The following CDH10 variants were observed in gnomAD, a reference collection of about 807,000 sequenced individuals.
CDH10 encodes the protein cadherin 10, also known as cadherin-10.
Under a neutral mutation model 73.1 loss-of-function variants are expected in CDH10, and 30 were observed. The observed-to-expected ratio is 0.41, with a 90% confidence interval of 0.31 to 0.56. The LOEUF (loss-of-function observed/expected upper bound fraction) is 0.56. CDH10 is among the 20% of genes least tolerant of loss of function. The probability of loss-of-function intolerance (pLI) is 0.27; values close to 1 mark genes in which losing one functional copy is unlikely to be tolerated. For synonymous variants in CDH10, 345 were observed against 348.2 expected (o/e 0.99, Z 0.10); for missense variants, 815 against 973.7 (o/e 0.84, Z 2.17).
intron 9 of CDH10, among the ~76,000 whole-genome samples, chr5:24,494,500 C>G (rs1262742504): frequency 6.6e-6 from 1 of 151,858 alleles, no homozygotes; most frequent in Non-Finnish European, 1.5e-5. Flanking sequence ...CACATACAGA[C>G]ACAAAAAGTG....
At chr5:24,495,107 A>AT (rs1170260222) in intron 9 of CDH10, among the ~76,000 whole-genome samples, 1 of 152,180 alleles carries the variant, frequency 6.6e-6, no homozygotes, top group Non-Finnish European at 1.5e-5. Flanking sequence ...CTGGTAACAG[A>AT]TATCAGAACT....
At chr5:24,551,799 T>A (rs1744556432) in intron 2 of CDH10, among the ~76,000 whole-genome samples, 1 of 152,202 alleles carries the variant, frequency 6.6e-6, no homozygotes, top group African/African-American at 2.4e-5. Flanking sequence ...TCCATTTATC[T>A]ATTGGCACCA....
intron 2 of CDH10, among the ~76,000 whole-genome samples, chr5:24,592,734 T>C (rs1746241817): frequency 6.6e-6 from 1 of 151,806 alleles, no homozygotes. Flanking sequence ...GCACCCATAG[T>C]GTGACCTAAG....
intron 2 of CDH10, among the ~76,000 whole-genome samples, chr5:24,585,097 C>T (rs1401363520): frequency 4.6e-5 from 7 of 152,082 alleles, no homozygotes; most frequent in Admixed American, 6.5e-5. Context: ...ATCTTCGCTT[C>T]GGTCTCCCAA....
At chr5:24,537,826 G>A (rs901963826) in intron 2 of CDH10, 152 bp from the exon 3 acceptor site, 26 of 555,280 alleles carry the variant, frequency 4.7e-5, no homozygotes, top group Admixed American at 1.4e-4. Flanking sequence ...TTGATCACAC[G>A]CATTTATACA....
At chr5:24,628,673 T>C (rs1020402614) in intron 1 of CDH10, among the ~76,000 whole-genome samples, 1 of 152,184 alleles carries the variant, frequency 6.6e-6, no homozygotes, top group Non-Finnish European at 1.5e-5. Context: ...TTTTTCATTA[T>C]GTCTGAACCC....
At chr5:24,529,112 C>T (rs369400696) in intron 5 of CDH10, among the ~76,000 whole-genome samples, 16 of 152,038 alleles carry the variant, frequency 1.1e-4, no homozygotes, top group African/African-American at 3.1e-4. Context: ...ATATCAATGC[C>T]TAATACTATT....
chr5:24,538,539 T>A (rs191865888), intron 2 of CDH10, among the ~76,000 whole-genome samples: 1 of 152,184 alleles, frequency 6.6e-6, no homozygotes, highest in East Asian at 1.9e-4. Context: ...ACCATCCTAG[T>A]GCAAATGCCA....
At chr5:24,496,223 C>T (rs1742284359) in intron 9 of CDH10, among the ~76,000 whole-genome samples, 1 of 152,098 alleles carries the variant, frequency 6.6e-6, no homozygotes, top group South Asian at 2.1e-4. Flanking sequence ...GCAGCATATA[C>T]AGATTTCCTT....
chr5:24,604,972 T>C (rs1198407921), intron 1 of CDH10, among the ~76,000 whole-genome samples: 3 of 152,096 alleles, frequency 2.0e-5, no homozygotes, highest in Non-Finnish European at 4.4e-5. Flanking sequence ...ATAAAGTCTT[T>C]TTTCATACTG....
At chr5:24,560,770 C>T (rs1744932742) in intron 2 of CDH10, among the ~76,000 whole-genome samples, 1 of 151,972 alleles carries the variant, frequency 6.6e-6, no homozygotes, top group Admixed American at 6.6e-5. Context: ...GCAACTTCAG[C>T]CTTTAAAATG....
At chr5:24,576,549 C>T (rs1456182895) in intron 2 of CDH10, among the ~76,000 whole-genome samples, 1 of 152,036 alleles carries the variant, frequency 6.6e-6, no homozygotes, top group Non-Finnish European at 1.5e-5. Flanking sequence ...AAACCCAAAA[C>T]GATAGGGCAG....
rs534232729 is a variant in CDH10 at position 24,561,066 on chromosome 5, G to T, written c.232-23392C>A. Among the ~76,000 whole-genome samples the T allele has an allele frequency of 2.4e-4, 36 of 152,192 alleles. 1 individual carries two copies. The South Asian group carries it at 7.2e-3, about 31-fold the overall frequency. Reference sequence around the variant, plus strand: ...TAGTGTTGAGTAGATTAGAAATTCAGTATTTAAAGTGCTTAGCAATAGCTG... The same window carrying T: ...TAGTGTTGAGTAGATTAGAAATTCATTATTTAAAGTGCTTAGCAATAGCTG... On this transcript the variant is annotated intron_variant, in intron 2 of 11. Coordinates refer to ENST00000264463, the MANE Select transcript of CDH10 (RefSeq NM_006727.5).
intron 2 of CDH10, among the ~76,000 whole-genome samples, chr5:24,589,243 A>C (rs1746124465): frequency 6.6e-6 from 1 of 152,190 alleles, no homozygotes; most frequent in Non-Finnish European, 1.5e-5. Flanking sequence ...GGAGAAAAAT[A>C]TATGCTTTAA....
At chr5:24,587,637 A>G (rs879783332) in intron 2 of CDH10, among the ~76,000 whole-genome samples, 2 of 152,148 alleles carry the variant, frequency 1.3e-5, no homozygotes, top group Non-Finnish European at 2.9e-5. Flanking sequence ...GCTTTTACTA[A>G]AAATCACTGA....
At chr5:24,504,503 A>T (rs1319985143) in intron 8 of CDH10, among the ~76,000 whole-genome samples, 3 of 47,850 alleles carry the variant, frequency 6.3e-5, no homozygotes, top group African/African-American at 6.0e-5. Context: ...TTCTCCTATT[A>T]ATCTTTTTTT....
intron 2 of CDH10, among the ~76,000 whole-genome samples, chr5:24,581,767 C>T (rs558953709): frequency 4.9e-4 from 74 of 152,210 alleles, no homozygotes; most frequent in Middle Eastern, 3.4e-3. Context: ...GAACTGTTTA[C>T]TAAATTCTAG....
At chr5:24,616,408 C>T (rs971430441) in intron 1 of CDH10, among the ~76,000 whole-genome samples, 3 of 151,984 alleles carry the variant, frequency 2.0e-5, no homozygotes, top group African/African-American at 4.8e-5. Flanking sequence ...ATAGATTCTA[C>T]ACTTGGGGGT....
At chr5:24,535,349 A>T (rs1414806543) in intron 4 of CDH10, 70 bp from the exon 5 acceptor site, 1 of 1,425,542 alleles carries the variant, frequency 7.0e-7, no homozygotes, top group Non-Finnish European at 9.6e-7. Context: ...TAAGTCCACA[A>T]AAAGTATTTT....
Sources: allele counts gnomAD v4.1 joint callset (sites outside exome capture counted in the v4.1 genomes callset), GRCh38; gene constraint gnomAD v4.1.1; transcripts MANE v1.5; gene names NCBI Gene and HGNC (gene_info 2026-07-23, HGNC 2026-07-21).